Variants in IL16 observed in about 807,000 individuals in gnomAD.
IL16 encodes the protein pro-interleukin-16.
IL16 carries 67 observed loss-of-function variants against 110.1 expected under a neutral mutation model. That is an observed-to-expected ratio of 0.61 (90% CI 0.50 to 0.75). The LOEUF (loss-of-function observed/expected upper bound fraction) is 0.75. Ranked by LOEUF, IL16 falls within the 30% of genes least tolerant of loss-of-function variation. The pLI, the probability that IL16 is intolerant of heterozygous loss-of-function variation, is 0.00. For synonymous variants in IL16, 689 were observed against 662.9 expected (o/e 1.04, Z -0.61); for missense variants, 1,545 against 1,655.0 (o/e 0.93, Z 1.15).
chr15:81,231,079 C>T (rs1269557460), intron 2 of IL16, among the ~76,000 whole-genome samples: 1 of 152,108 alleles, frequency 6.6e-6, no homozygotes, highest in African/African-American at 2.4e-5. Context: ...TGGCTCATGC[C>T]TGTAATCCCA....
At chr15:81,183,118 C>G (rs1360144880) in intron 1 of IL16, among the ~76,000 whole-genome samples, 1 of 152,190 alleles carries the variant, frequency 6.6e-6, no homozygotes, top group Admixed American at 6.5e-5. Flanking sequence ...TTTGCAGAGG[C>G]TGGCTGAGTG....
chr15:81,259,637 C>T, intron 2 of IL16, 135 bp from the exon 3 acceptor site: 1 of 614,176 alleles, frequency 1.6e-6, no homozygotes, highest in Non-Finnish European at 2.9e-6. Context: ...AATCCCTGCT[C>T]TTATAGTACT....
At chr15:81,297,777 C>T (rs891786677) in intron 13 of IL16, among the ~76,000 whole-genome samples, 1 of 152,038 alleles carries the variant, frequency 6.6e-6, no homozygotes, top group African/African-American at 2.4e-5. Flanking sequence ...AGGCCCTGTG[C>T]TAGATGCTGG....
intron 1 of IL16, among the ~76,000 whole-genome samples, chr15:81,221,459 C>A (rs181188952): frequency 6.6e-6 from 1 of 152,170 alleles, no homozygotes; most frequent in African/African-American, 2.4e-5. Context: ...GGCTTGCCCC[C>A]CAGCTCTGCT....
intron 1 of IL16, among the ~76,000 whole-genome samples, chr15:81,189,925 C>T (rs1895472781): frequency 6.6e-6 from 1 of 152,208 alleles, no homozygotes; most frequent in Admixed American, 6.5e-5. Context: ...AGGCAGGAAG[C>T]GGCGTTCCTC....
At chr15:81,283,932 G>A (rs1899313908) in intron 9 of IL16, among the ~76,000 whole-genome samples, 2 of 151,358 alleles carry the variant, frequency 1.3e-5, no homozygotes, top group African/African-American at 4.9e-5. Flanking sequence ...GAGCCAGGGA[G>A]GCAGAGGTTG....
intron 2 of IL16, among the ~76,000 whole-genome samples, chr15:81,246,842 TA>T (rs1341633126): frequency 6.6e-6 from 1 of 152,148 alleles, no homozygotes; most frequent in Admixed American, 6.5e-5. Flanking sequence ...TGGAAAGAGT[TA>T]AAACCACTCT....
At chr15:81,226,682 G>A (rs1896799725) in intron 2 of IL16, among the ~76,000 whole-genome samples, 1 of 152,162 alleles carries the variant, frequency 6.6e-6, no homozygotes, top group Non-Finnish European at 1.5e-5. Context: ...GCATCCTTAA[G>A]AGCCTCACCC....
At chr15:81,295,235 T>G in intron 12 of IL16, 1 of 326,574 alleles carries the variant, frequency 3.1e-6, no homozygotes, top group Non-Finnish European at 4.9e-6. Flanking sequence ...GCTCTCTCCC[T>G]CTTTCCTTCT....
At chr15:81,230,786 A>G (rs1035179071) in intron 2 of IL16, among the ~76,000 whole-genome samples, 1 of 152,198 alleles carries the variant, frequency 6.6e-6, no homozygotes, top group Non-Finnish European at 1.5e-5. Context: ...AATCTAAGCA[A>G]TCTTAGAAAT....
intron 2 of IL16, among the ~76,000 whole-genome samples, chr15:81,250,348 T>C (rs1321547323): frequency 6.6e-6 from 1 of 152,136 alleles, no homozygotes; most frequent in Non-Finnish European, 1.5e-5. Flanking sequence ...TTTATTTCTT[T>C]TTTATTTTAA....
chr15:81,304,119 T>C (rs1400230774), intron 16 of IL16, among the ~76,000 whole-genome samples: 1 of 152,228 alleles, frequency 6.6e-6, no homozygotes, highest in Non-Finnish European at 1.5e-5. Context: ...CAGCCAGCAT[T>C]CAACATACCA....
chr15:81,251,300 G>T (rs1897759937), intron 2 of IL16, among the ~76,000 whole-genome samples: 1 of 152,046 alleles, frequency 6.6e-6, no homozygotes, highest in South Asian at 2.1e-4. Context: ...CCAAGTAGCT[G>T]GTACTACAGG....
intron 13 of IL16, 172 bp from the exon 14 acceptor site, chr15:81,299,208 T>G: frequency 1.0e-6 from 1 of 994,616 alleles, no homozygotes; most frequent in Non-Finnish European, 1.6e-6. Flanking sequence ...TCCTGCCTGT[T>G]GGCAGCTCAG....
At chr15:81,297,429 C>T (rs1231214675) in intron 13 of IL16, among the ~76,000 whole-genome samples, 3 of 152,154 alleles carry the variant, frequency 2.0e-5, no homozygotes, top group African/African-American at 7.2e-5. Flanking sequence ...TTGCAACAGT[C>T]CTGCTGCATT....
At chr15:81,224,279 A>G (rs1896714859) in intron 1 of IL16, among the ~76,000 whole-genome samples, 1 of 152,234 alleles carries the variant, frequency 6.6e-6, no homozygotes, top group Admixed American at 6.5e-5. Flanking sequence ...AGCAGTACCA[A>G]TGGGCCAAGA....
At chr15:81,191,307 A>G (rs1482760280) in intron 1 of IL16, among the ~76,000 whole-genome samples, 2 of 152,240 alleles carry the variant, frequency 1.3e-5, no homozygotes, top group African/African-American at 2.4e-5. Flanking sequence ...TACTGTGAAT[A>G]TGTTTTTTAA....
chr15:81,225,236 G>C, intron 1 of IL16, 63 bp from the exon 2 acceptor site: 1 of 1,355,646 alleles, frequency 7.4e-7, no homozygotes, highest in Non-Finnish European at 9.8e-7. Flanking sequence ...TCCAGGACTC[G>C]TGTGCAGCTC....
chr15:81,191,901 G>C (rs946644323), upstream of IL16, among the ~76,000 whole-genome samples: 3 of 152,342 alleles, frequency 2.0e-5, no homozygotes, highest in African/African-American at 4.8e-5. Flanking sequence ...AGATAAACAA[G>C]GGTGAGATCA....
Sources: gnomAD v4.1 joint callset for allele counts (sites outside exome capture counted in the v4.1 genomes callset) on GRCh38, gnomAD v4.1.1 for gene constraint, MANE v1.5 for transcripts, NCBI Gene and HGNC (gene_info 2026-07-23, HGNC 2026-07-21) for gene names.